The following LRSAM1 variants were observed in gnomAD, a reference collection of about 807,000 sequenced individuals.
The protein encoded by LRSAM1 is leucine rich repeat and sterile alpha motif containing 1.
Under a neutral mutation model 118.1 loss-of-function variants are expected in LRSAM1, and 96 were observed. That is an observed-to-expected ratio of 0.81 (90% CI 0.69 to 0.96). The LOEUF is 0.96. Ranked by LOEUF, LRSAM1 falls within the 40% of genes least tolerant of loss-of-function variation. The pLI is 0.00. For synonymous variants in LRSAM1, 322 were observed against 364.2 expected (o/e 0.88, Z 1.32); for missense variants, 804 against 915.5 (o/e 0.88, Z 1.57).
At position 127,454,440 on chromosome 9, in the gene LRSAM1, G is replaced by C. The variant is rs970915843; in HGVS notation, c.-32-56G>C. 18 of 1,340,554 alleles carry C rather than the reference G, an allele frequency of 1.3e-5. No individual in the cohort carries two copies. In the African/African-American group the frequency reaches 2.4e-4, roughly 18 times the overall value. 83.0% of individuals were successfully genotyped at this position (1,340,554 alleles called of 1,614,324 possible). A position where few individuals can be genotyped will look rare whatever the true frequency, so the allele number is the denominator to read the frequency against. On this transcript the variant is annotated intron_variant, in intron 2 of 25. Transcript: ENST00000300417. ...TCTGTGTTACTGCACTACCTGTCCC[G>C]GGTGTTGGGGGCTGTGACAAATTCC...
intron 22 of LRSAM1, 123 bp from the exon 23 acceptor site, chr9:127,495,841 G>T (rs769419126): frequency 5.5e-6 from 8 of 1,442,498 alleles, no homozygotes; most frequent in South Asian, 1.2e-5. Flanking sequence ...ATGAGTTTTT[G>T]TAGGAAAAAT....
At chr9:127,498,312 A>G (rs1364864368) in intron 24 of LRSAM1, among the ~76,000 whole-genome samples, 1 of 152,160 alleles carries the variant, frequency 6.6e-6, no homozygotes, top group Non-Finnish European at 1.5e-5. Flanking sequence ...GCTTTTTGAT[A>G]TCAAGTCATG....
At chr9:127,500,889 G>A (rs1935758174) in intron 24 of LRSAM1, 121 bp from the exon 25 acceptor site, 1 of 1,378,778 alleles carries the variant, frequency 7.3e-7, no homozygotes. Context: ...AGATCTGAGA[G>A]CAGAGGCTCC....
intron 10 of LRSAM1, among the ~76,000 whole-genome samples, chr9:127,471,472 T>TA (rs71380064): frequency 0.13 from 8,800 of 67,944 alleles, 539 homozygotes; most frequent in Non-Finnish European, 0.17. Context: ...CCTTATGTTA[T>TA]AAAAAAAAAA....
intron 25 of LRSAM1, among the ~76,000 whole-genome samples, chr9:127,501,949 T>C (rs1272753701): frequency 1.3e-5 from 2 of 152,236 alleles, no homozygotes; most frequent in East Asian, 1.9e-4. Context: ...ATCCCTGTTC[T>C]GGGGCCCTTG....
intron 10 of LRSAM1, among the ~76,000 whole-genome samples, chr9:127,471,932 G>A (rs1180372833): frequency 6.6e-6 from 1 of 151,430 alleles, no homozygotes; most frequent in Non-Finnish European, 1.5e-5. Flanking sequence ...CGAAGCGCTG[G>A]CATTACAAGT....
chr9:127,500,930 G>T, intron 24 of LRSAM1, 80 bp from the exon 25 acceptor site: 3 of 1,602,974 alleles, frequency 1.9e-6, no homozygotes, highest in Non-Finnish European at 2.6e-6. Context: ...CCATGGGGAT[G>T]GGCAGGGCCA....
intron 16 of LRSAM1, among the ~76,000 whole-genome samples, chr9:127,484,362 T>C (rs1461065594): frequency 6.6e-6 from 1 of 151,796 alleles, no homozygotes; most frequent in Admixed American, 6.6e-5. Context: ...GCATTTCCTG[T>C]ATATGCCACA....
intron 2 of LRSAM1, among the ~76,000 whole-genome samples, chr9:127,452,838 G>A (rs1000738412): frequency 3.3e-5 from 5 of 152,140 alleles, no homozygotes; most frequent in African/African-American, 1.2e-4. Context: ...TTGCCTCCTG[G>A]CTCATTGCCA....
At chr9:127,452,252 C>CA (rs1834349828) in intron 2 of LRSAM1, 168 bp downstream of exon 2, 1 of 152,430 alleles carries the variant, frequency 6.6e-6, no homozygotes, top group Admixed American at 6.5e-5. Context: ...GGGAGGGCTG[C>CA]ACATCAGGAA....
intron 18 of LRSAM1, among the ~76,000 whole-genome samples, chr9:127,489,196 C>T (rs1236038393): frequency 3.3e-5 from 5 of 152,154 alleles, no homozygotes; most frequent in African/African-American, 1.2e-4. Flanking sequence ...GCAGTAAAAG[C>T]ACCCCCACGG....
intron 22 of LRSAM1, among the ~76,000 whole-genome samples, chr9:127,495,640 A>T (rs1836103912): frequency 6.6e-6 from 1 of 152,154 alleles, no homozygotes; most frequent in Admixed American, 6.5e-5. Context: ...CAGGGCAGAG[A>T]CCACTGAGCC....
intron 15 of LRSAM1, among the ~76,000 whole-genome samples, chr9:127,482,433 G>A (rs773219344): frequency 2.6e-5 from 4 of 152,076 alleles, no homozygotes; most frequent in Admixed American, 1.3e-4. Flanking sequence ...GTGAGCCACC[G>A]CACCCGGCCA....
At chr9:127,488,618 A>G (rs1171081173) in intron 18 of LRSAM1, among the ~76,000 whole-genome samples, 1 of 148,700 alleles carries the variant, frequency 6.7e-6, no homozygotes, top group Admixed American at 6.7e-5. Context: ...TTTTTAAGAC[A>G]AGGTCTTGCT....
At position 127,473,863 on chromosome 9, in the gene LRSAM1, A is replaced by C; in HGVS notation, c.682A>C (p.Ile228Leu). ...GCTGCCAATTCTGGAGCAAGATGGA[A>C]TCGAGAACTCTCGGGACAGCCCTGA... ...YLLPILEQDG[I>L]ENSRDSPDGP... The change falls in exon 11 of 26, where the codon ATC (isoleucine) becomes CTC (leucine). Residue 228 changes from isoleucine (I) to leucine (L), a missense_variant. Physicochemically the swap from Ile to Leu is conservative, Grantham distance 5. Coordinates refer to ENST00000300417, the MANE Select transcript of LRSAM1 (RefSeq NM_001005373.4). The C allele has an allele frequency of 6.2e-7, 1 of 1,614,230 alleles. No homozygotes were observed.
intron 3 of LRSAM1, 152 bp downstream of exon 3, chr9:127,454,751 GC>G: frequency 2.1e-6 from 2 of 930,734 alleles, no homozygotes; most frequent in East Asian, 2.6e-5. Flanking sequence ...AACAGATGAG[GC>G]CCCCTGCCAA....
At chr9:127,500,500 C>T (rs1836345317) in intron 24 of LRSAM1, among the ~76,000 whole-genome samples, 1 of 152,136 alleles carries the variant, frequency 6.6e-6, no homozygotes, top group South Asian at 2.1e-4. Flanking sequence ...TTGCGGGGGG[C>T]CTCTCATTCT....
chr9:127,481,046 T>A, intron 14 of LRSAM1, 137 bp from the exon 15 acceptor site: 2 of 862,544 alleles, frequency 2.3e-6, no homozygotes, highest in Non-Finnish European at 3.7e-6. Context: ...AGTAACTGGC[T>A]AAGAACCCAG....
chr9:127,462,994 G>A (rs553800504), intron 9 of LRSAM1, among the ~76,000 whole-genome samples: 1 of 151,942 alleles, frequency 6.6e-6, no homozygotes, highest in East Asian at 1.9e-4. Flanking sequence ...TTAGGAGTTC[G>A]AGACCAGCCT....
Sources: gnomAD v4.1 joint callset for allele counts (sites outside exome capture counted in the v4.1 genomes callset) on GRCh38, gnomAD v4.1.1 for gene constraint, MANE v1.5 for transcripts, NCBI Gene and HGNC (gene_info 2026-07-23, HGNC 2026-07-21) for gene names.